The following HS6ST3 variants were observed in gnomAD, a reference collection of about 807,000 sequenced individuals.
HS6ST3 encodes heparan-sulfate 6-O-sulfotransferase 3.
Under a neutral mutation model 36.7 loss-of-function variants are expected in HS6ST3, and 12 were observed. The ratio of observed to expected loss-of-function variants is 0.33; its 90% CI spans 0.21 to 0.53. The LOEUF is 0.53. HS6ST3 is among the 20% of genes least tolerant of loss of function. The pLI is 0.95. For synonymous variants in HS6ST3, 240 were observed against 257.5 expected, an observed-to-expected ratio of 0.93 and a Z score of 0.65; for missense variants, 584 against 640.9, an observed-to-expected ratio of 0.91 and a Z score of 0.96.
chr13:96,718,076 A>G (rs1445018604), intron 1 of HS6ST3, among the ~76,000 whole-genome samples: 1 of 152,108 alleles, frequency 6.6e-6, no homozygotes, highest in Non-Finnish European at 1.5e-5. Context: ...TCCACAGCCA[A>G]TGGATCCTAC....
chr13:96,706,413 T>TTTTATATATATATATATATATATA (rs5805987), intron 1 of HS6ST3, among the ~76,000 whole-genome samples: 3 of 121,058 alleles, frequency 2.5e-5, no homozygotes, highest in African/African-American at 1.1e-4. Flanking sequence ...AGAATATATT[T>TTTTATATATATATATATATATATA]TATATATATA....
At chr13:96,386,921 T>C (rs2055371334) in intron 1 of HS6ST3, among the ~76,000 whole-genome samples, 1 of 152,138 alleles carries the variant, frequency 6.6e-6, no homozygotes, top group Admixed American at 6.5e-5. Context: ...ATTAGATGCC[T>C]AGAATTTCTC....
At chr13:96,479,704 A>C (rs1424900101) in intron 1 of HS6ST3, among the ~76,000 whole-genome samples, 2 of 152,192 alleles carry the variant, frequency 1.3e-5, no homozygotes, top group African/African-American at 2.4e-5. Flanking sequence ...ACTAAGTTAC[A>C]CTGCTATAAA....
chr13:96,694,482 C>T (rs972487155), intron 1 of HS6ST3, among the ~76,000 whole-genome samples: 12 of 152,112 alleles, frequency 7.9e-5, no homozygotes, highest in Non-Finnish European at 1.8e-4. Flanking sequence ...TATATGAATG[C>T]ATGTGTCTTT....
chr13:96,093,093 A>T (rs191790001), intron 1 of HS6ST3, among the ~76,000 whole-genome samples: 1 of 152,074 alleles, frequency 6.6e-6, no homozygotes, highest in Admixed American at 6.6e-5. Context: ...CCAACCTTGT[A>T]CTCCCTGTTT....
chr13:96,236,122 G>A (rs2054533366), intron 1 of HS6ST3, among the ~76,000 whole-genome samples: 2 of 152,204 alleles, frequency 1.3e-5, no homozygotes, highest in Non-Finnish European at 2.9e-5. Context: ...ACTGGAGAAA[G>A]ATGATGGCCT....
At chr13:96,164,563 A>G (rs1008064026) in intron 1 of HS6ST3, among the ~76,000 whole-genome samples, 1 of 152,066 alleles carries the variant, frequency 6.6e-6, no homozygotes, top group Non-Finnish European at 1.5e-5. Flanking sequence ...CCTGAAAAAA[A>G]AAAAAAAGAT....
chr13:96,213,739 C>T (rs1302663994), intron 1 of HS6ST3, among the ~76,000 whole-genome samples: 2 of 152,054 alleles, frequency 1.3e-5, no homozygotes, highest in African/African-American at 2.4e-5. Flanking sequence ...AAGGTATGTA[C>T]ATTTAGTCAT....
chr13:96,414,604 T>G (rs1208467635), intron 1 of HS6ST3, among the ~76,000 whole-genome samples: 4 of 152,150 alleles, frequency 2.6e-5, no homozygotes, highest in Non-Finnish European at 5.9e-5. Context: ...TGCCTCAGCC[T>G]CCTGAGTAGC....
intron 1 of HS6ST3, among the ~76,000 whole-genome samples, chr13:96,654,060 T>A (rs769201917): frequency 2.0e-5 from 3 of 152,172 alleles, no homozygotes; most frequent in Non-Finnish European, 2.9e-5. Flanking sequence ...GGGTTGTTTG[T>A]TTTTTACTTG....
chr13:96,091,047 C>CG lies in HS6ST3; in HGVS notation c.187dup (p.Glu63GlyfsTer114). On this transcript the variant is annotated frameshift_variant, in exon 1 of 2. Transcript: ENST00000376705. LOFTEE classifies it high-confidence loss of function. ...CCCGCCCGCCGGGCTCAGGCGCCGC[C>CG]GGAGGAGTGGGAGCGGCGGCCCCAG... 1 of 1,257,012 alleles carries CG rather than the reference C, an allele frequency of 8.0e-7. No individual in the cohort carries two copies. Among genetic ancestry groups the CG allele is most frequent in the Non-Finnish European group, 1.0e-6 (1 of 1,002,508 alleles). The allele number at this position is 1,257,012 out of a possible 1,614,324, so 77.9% of individuals were successfully genotyped here. A position where few individuals can be genotyped will look rare whatever the true frequency, so the allele number is the denominator to read the frequency against.
chr13:96,186,964 G>T (rs1030448000), intron 1 of HS6ST3, among the ~76,000 whole-genome samples: 17 of 152,198 alleles, frequency 1.1e-4, no homozygotes, highest in African/African-American at 4.1e-4. Flanking sequence ...AGTGTAATTT[G>T]CTATGAAAAC....
At chr13:96,498,835 T>G (rs574025044) in intron 1 of HS6ST3, among the ~76,000 whole-genome samples, 26 of 152,174 alleles carry the variant, frequency 1.7e-4, no homozygotes, top group Non-Finnish European at 3.4e-4. Context: ...GAATTAAATC[T>G]TTTCCCTGTC....
At chr13:96,599,910 A>G (rs2056415293) in intron 1 of HS6ST3, among the ~76,000 whole-genome samples, 1 of 152,180 alleles carries the variant, frequency 6.6e-6, no homozygotes, top group East Asian at 1.9e-4. Context: ...TCAGGGGCAG[A>G]TTCTTTAATT....
At chr13:96,799,694 G>A (rs1877996058) in intron 1 of HS6ST3, among the ~76,000 whole-genome samples, 1 of 150,862 alleles carries the variant, frequency 6.6e-6, no homozygotes, top group Non-Finnish European at 1.5e-5. Context: ...TGATGAGTTA[G>A]TGGGTGCAGC....
intron 1 of HS6ST3, among the ~76,000 whole-genome samples, chr13:96,321,906 C>T (rs2055004793): frequency 6.6e-6 from 1 of 152,086 alleles, no homozygotes; most frequent in African/African-American, 2.4e-5. Flanking sequence ...ATTCACTCTG[C>T]ACTCTCCTGG....
chr13:96,777,283 A>G (rs1423701287), intron 1 of HS6ST3, among the ~76,000 whole-genome samples: 2 of 152,248 alleles, frequency 1.3e-5, no homozygotes, highest in Non-Finnish European at 2.9e-5. Context: ...AACTGGCACA[A>G]GACAAGGATG....
At chr13:96,198,266 C>T (rs2054323969) in intron 1 of HS6ST3, among the ~76,000 whole-genome samples, 1 of 152,114 alleles carries the variant, frequency 6.6e-6, no homozygotes, top group South Asian at 2.1e-4. Flanking sequence ...GCTTTTTCCT[C>T]CTGGGCCTCT....
In HS6ST3 at chr13:96,319,233, GCTTTAACTTAT is replaced by G. The variant is rs1312907897; in HGVS notation, c.707+227677_707+227687del. 5.3e-5 allele frequency among the ~76,000 whole-genome samples: 8 copies of G among 152,226 alleles called. No homozygotes were observed. The South Asian group carries it at 6.2e-4, about 12-fold the overall frequency. On this transcript the variant is annotated intron_variant, in intron 1 of 1. Transcript: ENST00000376705. ...TGAAAAAAGTGGTCTTCTATAAATT[GCTTTAACTTAT>G]CTTTAACTTATCACAATATTTAACT...
Sources: gnomAD v4.1 joint callset for allele counts (sites outside exome capture counted in the v4.1 genomes callset) on GRCh38, gnomAD v4.1.1 for gene constraint, MANE v1.5 for transcripts, NCBI Gene and HGNC (gene_info 2026-07-23, HGNC 2026-07-21) for gene names.